Variants in ATP8A2 observed in about 807,000 individuals in gnomAD.
The protein encoded by ATP8A2 is ATPase phospholipid transporting 8A2.
ATP8A2 carries 100 observed loss-of-function variants against 165.6 expected under a neutral mutation model. The observed-to-expected ratio is 0.60, with a 90% CI of 0.51 to 0.71. ATP8A2 has a LOEUF of 0.71. Among genes scored for constraint, ATP8A2 ranks in the 30% least tolerant of loss-of-function variants. ATP8A2 has a pLI of 0.00. For missense variants in ATP8A2, 1,227 were observed against 1,479.5 expected (o/e 0.83, Z 2.80); for synonymous variants, 543 against 548.8 (o/e 0.99, Z 0.15).
At chr13:25,896,300 C>T (rs1182434820) in intron 33 of ATP8A2, among the ~76,000 whole-genome samples, 1 of 152,174 alleles carries the variant, frequency 6.6e-6, no homozygotes, top group Non-Finnish European at 1.5e-5. Context: ...ACCCAGTAGT[C>T]ATTCAGGAGC....
At chr13:25,706,096 A>C (rs2043050231) in intron 25 of ATP8A2, among the ~76,000 whole-genome samples, 1 of 152,224 alleles carries the variant, frequency 6.6e-6, no homozygotes, top group Non-Finnish European at 1.5e-5. Flanking sequence ...GAATTGGCTT[A>C]GAGTCAGAGA....
At chr13:25,951,109 A>G (rs1448379742) in intron 33 of ATP8A2, among the ~76,000 whole-genome samples, 2 of 152,186 alleles carry the variant, frequency 1.3e-5, no homozygotes. Flanking sequence ...TGTATGATAG[A>G]GCAACCCCAC....
intron 24 of ATP8A2, among the ~76,000 whole-genome samples, chr13:25,659,514 A>G (rs1041743018): frequency 1.3e-5 from 2 of 152,178 alleles, no homozygotes; most frequent in African/African-American, 2.4e-5. Flanking sequence ...GAGATAAGCT[A>G]TCTCTACACC....
intron 25 of ATP8A2, chr13:25,705,407 C>T (rs1344106025): frequency 6.0e-6 from 1 of 166,790 alleles, no homozygotes; most frequent in Non-Finnish European, 1.3e-5. Context: ...TTTACGGCTT[C>T]ACATCTCTGG....
intron 33 of ATP8A2, among the ~76,000 whole-genome samples, chr13:25,949,133 G>A (rs945416218): frequency 2.6e-5 from 4 of 152,230 alleles, no homozygotes; most frequent in African/African-American, 7.2e-5. Context: ...GTCAGAGGGC[G>A]TGTGTTCAGG....
At chr13:25,916,348 C>T (rs142207079) in intron 33 of ATP8A2, among the ~76,000 whole-genome samples, 122 of 152,294 alleles carry the variant, frequency 8.0e-4, no homozygotes, top group Non-Finnish European at 1.4e-3. Flanking sequence ...ACTGTGTCGA[C>T]GGTACCAGCC....
At chr13:25,430,983 A>G (rs2034593028) in intron 1 of ATP8A2, among the ~76,000 whole-genome samples, 2 of 151,828 alleles carry the variant, frequency 1.3e-5, no homozygotes, top group Admixed American at 6.6e-5. Context: ...TTAAGTGGCT[A>G]TTCCTTCCTA....
chr13:25,874,717 A>G (rs1046841776), intron 33 of ATP8A2, among the ~76,000 whole-genome samples: 6 of 152,212 alleles, frequency 3.9e-5, no homozygotes, highest in Non-Finnish European at 8.8e-5. Context: ...ACTTCTGGGT[A>G]TATACCCAAA....
At chr13:25,945,592 T>C (rs1195578971) in intron 33 of ATP8A2, among the ~76,000 whole-genome samples, 1 of 151,992 alleles carries the variant, frequency 6.6e-6, no homozygotes, top group Non-Finnish European at 1.5e-5. Context: ...CACCATGAAC[T>C]TTGGTGTGGA....
At chr13:26,019,122 G>C (rs1957043243) in intron 36 of ATP8A2, among the ~76,000 whole-genome samples, 1 of 152,160 alleles carries the variant, frequency 6.6e-6, no homozygotes, top group Admixed American at 6.5e-5. Flanking sequence ...GGCTGGGTGT[G>C]GTGGCTCAGG....
At chr13:25,403,631 G>T (rs531169378) in intron 1 of ATP8A2, among the ~76,000 whole-genome samples, 1 of 152,196 alleles carries the variant, frequency 6.6e-6, no homozygotes, top group Non-Finnish European at 1.5e-5. Context: ...CAGGAGATTA[G>T]GTGGTTGCCT....
intron 27 of ATP8A2, among the ~76,000 whole-genome samples, chr13:25,802,981 G>A (rs1950653212): frequency 6.6e-6 from 1 of 151,122 alleles, no homozygotes; most frequent in African/African-American, 2.4e-5. Context: ...AAGCTAATTA[G>A]ATATGGGTAA....
At chr13:25,402,776 T>C (rs2033678661) in intron 1 of ATP8A2, among the ~76,000 whole-genome samples, 1 of 152,208 alleles carries the variant, frequency 6.6e-6, no homozygotes, top group African/African-American at 2.4e-5. Flanking sequence ...AGGCAGCAAG[T>C]TTGCCCTGTC....
intron 27 of ATP8A2, among the ~76,000 whole-genome samples, chr13:25,798,570 T>A (rs1950544967): frequency 6.6e-6 from 1 of 152,236 alleles, no homozygotes; most frequent in Admixed American, 6.5e-5. Context: ...CAAACAATTT[T>A]AAATCCTTAA....
At chr13:25,645,887 C>T (rs76316961) in intron 24 of ATP8A2, among the ~76,000 whole-genome samples, 5,244 of 152,078 alleles carry the variant, frequency 0.034, 158 homozygotes, top group East Asian at 0.13. Flanking sequence ...AATGTGTACT[C>T]TGTTGTTGTT....
intron 35 of ATP8A2, among the ~76,000 whole-genome samples, chr13:26,006,957 G>C (rs199991692): frequency 6.7e-6 from 1 of 150,144 alleles, no homozygotes; most frequent in East Asian, 2.0e-4. Flanking sequence ...AATTTAGTTT[G>C]CTAGAATTTA....
At chr13:25,656,929 T>G (rs1406906632) in intron 24 of ATP8A2, among the ~76,000 whole-genome samples, 1 of 151,272 alleles carries the variant, frequency 6.6e-6, no homozygotes, top group Non-Finnish European at 1.5e-5. Context: ...GGTGCATGCC[T>G]GTAATCCTAG....
At chr13:25,841,565 T>A (rs2138667925) in intron 30 of ATP8A2, among the ~76,000 whole-genome samples, 1 of 152,364 alleles carries the variant, frequency 6.6e-6, no homozygotes, top group South Asian at 2.1e-4. Context: ...ATTGAATATT[T>A]TATAATTAAT....
chr13:25,723,658 G>A lies in ATP8A2; in HGVS notation c.2384+24313G>A, dbSNP rs1422982335. Among the ~76,000 whole-genome samples, 4 of 151,968 alleles carry A rather than the reference G, an allele frequency of 2.6e-5. No homozygotes were observed. In the South Asian group the frequency reaches 6.2e-4, roughly 24 times the overall value. On this transcript the variant is annotated intron_variant, in intron 25 of 36. Coordinates refer to ENST00000381655, the MANE Select transcript of ATP8A2 (RefSeq NM_016529.6). ...TGTAGCGATTGTTAGCTGTTGTTTG[G>A]GGTAGGTGAAAAATGGGAGAGAGGA...
Sources: allele counts gnomAD v4.1 joint callset (sites outside exome capture counted in the v4.1 genomes callset), GRCh38; gene constraint gnomAD v4.1.1; transcripts MANE v1.5; gene names NCBI Gene and HGNC (gene_info 2026-07-23, HGNC 2026-07-21).